The following OR4F17 variants were observed in gnomAD, a reference collection of about 807,000 sequenced individuals.
OR4F17 encodes olfactory receptor family 4 subfamily F member 17.
For missense variants in OR4F17, 1 was observed against 323.6 expected, an observed-to-expected ratio of 0.00 and a Z score of 7.65; for synonymous variants, 1 against 120.7, an observed-to-expected ratio of 0.01 and a Z score of 6.50.
intron 2 of OR4F17, among the ~76,000 whole-genome samples, chr19:108,724 C>G (rs971059848): frequency 6.6e-6 from 1 of 151,910 alleles, no homozygotes; most frequent in African/African-American, 2.4e-5. Flanking sequence ...AAGAAACAGT[C>G]CAACCAACCA....
At chr19:107,744 T>G (rs1184885532) in intron 2 of OR4F17, among the ~76,000 whole-genome samples, 189 bp downstream of exon 2, 2 of 132,496 alleles carry the variant, frequency 1.5e-5, no homozygotes, top group African/African-American at 5.5e-5. Flanking sequence ...CATAAGGCAT[T>G]TATATATATA....
chr19:109,026 A>G (rs1968669573), intron 2 of OR4F17, among the ~76,000 whole-genome samples: 1 of 151,356 alleles, frequency 6.6e-6, no homozygotes, highest in Non-Finnish European at 1.5e-5. Context: ...TCTTTAAAAA[A>G]CAGCAAAAAT....
At chr19:109,121 C>T (rs1274984143) in intron 2 of OR4F17, among the ~76,000 whole-genome samples, 1 of 152,198 alleles carries the variant, frequency 6.6e-6, no homozygotes, top group Non-Finnish European at 1.5e-5. Context: ...GATCAATTTC[C>T]ACTTCTCTCT....
At chr19:109,815 A>T (rs1197367648) in intron 2 of OR4F17, among the ~76,000 whole-genome samples, 3 of 151,210 alleles carry the variant, frequency 2.0e-5, no homozygotes, top group African/African-American at 7.3e-5. Context: ...TCATATCTTA[A>T]CTACTTTAAT....
At chr19:109,670 T>C (rs1358160092) in intron 2 of OR4F17, among the ~76,000 whole-genome samples, 2 of 139,354 alleles carry the variant, frequency 1.4e-5, no homozygotes, top group African/African-American at 2.6e-5. Flanking sequence ...AGAACTTCTA[T>C]AAAGTTGTGC....
At chr19:110,389 T>C (rs1305434300) in intron 2 of OR4F17, among the ~76,000 whole-genome samples, 1 of 152,046 alleles carries the variant, frequency 6.6e-6, no homozygotes, top group South Asian at 2.1e-4. Flanking sequence ...TAAATAATGG[T>C]ATTTTATATT....
At chr19:108,969 G>A (rs1170546911) in intron 2 of OR4F17, among the ~76,000 whole-genome samples, 1 of 151,292 alleles carries the variant, frequency 6.6e-6, no homozygotes, top group African/African-American at 2.4e-5. Flanking sequence ...ATGGGATTCA[G>A]AGTAGTAAAG....
chr19:108,792 GTA>G (rs1968666242), intron 2 of OR4F17, among the ~76,000 whole-genome samples: 1 of 152,168 alleles, frequency 6.6e-6, no homozygotes, highest in Non-Finnish European at 1.5e-5. Flanking sequence ...TCAATGATTA[GTA>G]TGATTATATT....
chr19:110,025 T>G (rs1400022486), intron 2 of OR4F17, among the ~76,000 whole-genome samples: 2 of 147,058 alleles, frequency 1.4e-5, no homozygotes, highest in African/African-American at 4.9e-5. Flanking sequence ...GTCTCTATAA[T>G]AAAACAGAAA....
intron 2 of OR4F17, among the ~76,000 whole-genome samples, chr19:108,114 A>AAT (rs1159730717): frequency 1.5e-5 from 2 of 130,892 alleles, no homozygotes; most frequent in Non-Finnish European, 3.1e-5. Context: ...TATAGAATAT[A>AAT]ATATATATTA....
chr19:109,094 T>C (rs1303578455), intron 2 of OR4F17, among the ~76,000 whole-genome samples: 2 of 152,084 alleles, frequency 1.3e-5, no homozygotes, highest in Non-Finnish European at 2.9e-5. Flanking sequence ...CCTTCATGTC[T>C]CCCGTGGAAT....
chr19:111,976 TA>T lies in OR4F17; in HGVS notation c.*387del. 2.8e-5 allele frequency: 1 copy of T among 35,362 alleles called. No homozygotes were observed. The highest frequency in any genetic ancestry group is 4.9e-5 in the Non-Finnish European group (1 of 20,392). 2.2% of individuals were successfully genotyped at this position (35,362 alleles called of 1,614,324 possible). On this transcript the variant is annotated 3_prime_UTR_variant, in exon 3 of 3. Coordinates refer to ENST00000585993, the MANE Select transcript of OR4F17 (RefSeq NM_001005240.3). ...TATTTGGTCCATTTTGTGAAAAACATAAAAAAAGAACTGTCACATCTTAATT... is the reference window on the plus strand; with the variant it reads ...TATTTGGTCCATTTTGTGAAAAACATAAAAAAGAACTGTCACATCTTAATT...
intron 2 of OR4F17, among the ~76,000 whole-genome samples, chr19:108,405 A>C (rs1236608275): frequency 1.3e-5 from 2 of 151,840 alleles, no homozygotes; most frequent in African/African-American, 4.8e-5. Context: ...AATTTTTAAA[A>C]AGTCAGAAAT....
chr19:108,965 T>C (rs1968668291), intron 2 of OR4F17, among the ~76,000 whole-genome samples: 2 of 151,392 alleles, frequency 1.3e-5, no homozygotes, highest in Non-Finnish European at 2.9e-5. Flanking sequence ...AGAAATGGGA[T>C]TCAGAGTAGT....
chr19:109,581 T>C (rs1968679251), intron 2 of OR4F17, among the ~76,000 whole-genome samples: 1 of 126,542 alleles, frequency 7.9e-6, no homozygotes, highest in African/African-American at 2.8e-5. Context: ...TTGTTATCAG[T>C]ACCTTAATAA....
chr19:108,802 A>G lies in OR4F17; in HGVS notation c.-55+1247A>G, dbSNP rs573153119. Among the ~76,000 whole-genome samples, 10 of 152,282 alleles carry G rather than the reference A, an allele frequency of 6.6e-5. No individual in the cohort carries two copies. In the South Asian group the frequency reaches 2.1e-3, roughly 32 times the overall value. ...TACTGTCAATGATTAGTATGATTAT[A>G]TTTATTACAGTGCTAAGCAGAAGAG... On this transcript the variant is annotated intron_variant, in intron 2 of 2. Coordinates refer to ENST00000585993, the MANE Select transcript of OR4F17 (RefSeq NM_001005240.3).
Position 110,889 on chromosome 19 carries a change from GC to G in OR4F17, c.216del (p.Lys73ArgfsTer2). ...LIDLSLSSVT[A>X]PKMITDFFSQ... ...TGATCTGTCTCTGTCTTCAGTCACA[GC>G]CCCCAAGATGATTACTGACTTTTTC... On this transcript the variant is annotated frameshift_variant, in exon 3 of 3. Coordinates refer to ENST00000585993, the MANE Select transcript of OR4F17 (RefSeq NM_001005240.3). LOFTEE classifies it high-confidence loss of function. The G allele has an allele frequency of 2.0e-6, 3 of 1,490,560 alleles. No individual in the cohort carries two copies. The highest frequency in any genetic ancestry group is 1.9e-6 in the Non-Finnish European group (2 of 1,075,584). The allele number at this position is 1,490,560 out of a possible 1,614,324, so 92.3% of individuals were successfully genotyped here. A position where few individuals can be genotyped will look rare whatever the true frequency, so the allele number is the denominator to read the frequency against.
intron 2 of OR4F17, among the ~76,000 whole-genome samples, chr19:108,902 A>G (rs1412197695): frequency 6.6e-6 from 1 of 151,742 alleles, no homozygotes; most frequent in Non-Finnish European, 1.5e-5. Context: ...AGATCACTAA[A>G]TTTTTATAGG....
At chr19:107,825 AATATAAATATAATATAAATT>A (rs1356464067) in intron 2 of OR4F17, among the ~76,000 whole-genome samples, 1 of 119,932 alleles carries the variant, frequency 8.3e-6, no homozygotes, top group Non-Finnish European at 1.7e-5. Context: ...TATAATATAT[AATATAAATATAATATAAATT>A]ATATAAATAT....
Sources: gnomAD v4.1 joint callset for allele counts (sites outside exome capture counted in the v4.1 genomes callset) on GRCh38, gnomAD v4.1.1 for gene constraint, MANE v1.5 for transcripts, NCBI Gene and HGNC (gene_info 2026-07-23, HGNC 2026-07-21) for gene names.